Variants in NRXN3 observed in about 807,000 individuals in gnomAD.
The protein encoded by NRXN3 is neurexin III.
In NRXN3, 32 loss-of-function variants were observed where a neutral mutation model predicts 137.6. That is an observed-to-expected ratio of 0.23 (90% CI 0.18 to 0.31). The LOEUF is 0.31. Ranked by LOEUF, NRXN3 falls within the 10% of genes least tolerant of loss-of-function variation. NRXN3 has a pLI of 1.00. For synonymous variants in NRXN3, 798 were observed against 784.5 expected (o/e 1.02, Z -0.29); for missense variants, 1,574 against 2,062.5 (o/e 0.76, Z 4.59).
chr14:78,860,695 A>C (rs2152524881), intron 10 of NRXN3, among the ~76,000 whole-genome samples: 1 of 152,314 alleles, frequency 6.6e-6, no homozygotes, highest in South Asian at 2.1e-4. Flanking sequence ...GGAAATATTA[A>C]GAAAATGTTA....
At chr14:78,359,942 A>G (rs540411239) in intron 4 of NRXN3, among the ~76,000 whole-genome samples, 4 of 152,090 alleles carry the variant, frequency 2.6e-5, no homozygotes, top group African/African-American at 9.6e-5. Flanking sequence ...TTGAATTTTT[A>G]ATCTCTCCCT....
At chr14:78,698,289 G>C (rs944384029) in intron 6 of NRXN3, 7 of 152,010 alleles carry the variant, frequency 4.6e-5, no homozygotes, top group Admixed American at 3.3e-4. Context: ...ACTTCTTAAA[G>C]GTTCTATTTC....
intron 15 of NRXN3, among the ~76,000 whole-genome samples, chr14:79,087,630 A>G (rs1006377298): frequency 6.6e-5 from 10 of 152,178 alleles, no homozygotes; most frequent in Non-Finnish European, 1.5e-5. Flanking sequence ...GGGAACACTC[A>G]AGTAGAAGAG....
Position 78,499,458 on chromosome 14 carries a change from C to G in NRXN3, c.758-145662C>G, listed in dbSNP as rs74064309. On this transcript the variant is annotated intron_variant, in intron 4 of 20. Transcript: ENST00000335750. Reference sequence around the variant, plus strand: ...TGCTCACTATAACAGAGAACAAGTACTAGCTCATAACTTTTTATGACTTTG... The same window carrying G: ...TGCTCACTATAACAGAGAACAAGTAGTAGCTCATAACTTTTTATGACTTTG... Among the ~76,000 whole-genome samples, 1,112 of 152,330 alleles carry G rather than the reference C, an allele frequency of 7.3e-3. 11 individuals carry two copies. Among genetic ancestry groups the G allele is most frequent in the African/African-American group, 0.026 (1,062 of 41,580 alleles).
intron 19 of NRXN3, among the ~76,000 whole-genome samples, chr14:79,750,894 G>C (rs2098995276): frequency 2.0e-5 from 3 of 152,118 alleles, no homozygotes; most frequent in African/African-American, 4.8e-5. Context: ...CTAATCTCTT[G>C]CTTCTAGAGA....
At chr14:78,921,499 G>C (rs1441985185) in intron 10 of NRXN3, among the ~76,000 whole-genome samples, 1 of 152,170 alleles carries the variant, frequency 6.6e-6, no homozygotes, top group Admixed American at 6.5e-5. Flanking sequence ...GGAATGGACG[G>C]GAAAAATGGA....
chr14:79,615,432 A>G (rs929658099), intron 16 of NRXN3, among the ~76,000 whole-genome samples: 3 of 152,188 alleles, frequency 2.0e-5, no homozygotes, highest in African/African-American at 7.2e-5. Context: ...AGAAAAAATG[A>G]TAATAACCAG....
At chr14:78,751,409 A>G (rs890797330) in intron 8 of NRXN3, among the ~76,000 whole-genome samples, 5 of 151,526 alleles carry the variant, frequency 3.3e-5, no homozygotes, top group African/African-American at 1.2e-4. Context: ...AACTCAGGGG[A>G]GGAGTCCAGC....
chr14:79,605,965 C>T (rs975299612), intron 16 of NRXN3, among the ~76,000 whole-genome samples: 1 of 152,150 alleles, frequency 6.6e-6, no homozygotes, highest in African/African-American at 2.4e-5. Flanking sequence ...TTAATCATGC[C>T]AGGCTGATGG....
At chr14:79,778,802 A>G (rs986470457) in intron 19 of NRXN3, among the ~76,000 whole-genome samples, 3 of 152,176 alleles carry the variant, frequency 2.0e-5, no homozygotes, top group Admixed American at 2.0e-4. Context: ...CGAAAGACTC[A>G]GGTTACTTTT....
At chr14:78,606,404 C>T (rs1465275277) in intron 4 of NRXN3, among the ~76,000 whole-genome samples, 1 of 152,178 alleles carries the variant, frequency 6.6e-6, no homozygotes, top group Admixed American at 6.5e-5. Context: ...TTCCCCCTAA[C>T]CAACTCTTAC....
At chr14:78,348,058 G>A (rs2082978386) in intron 4 of NRXN3, among the ~76,000 whole-genome samples, 1 of 152,116 alleles carries the variant, frequency 6.6e-6, no homozygotes, top group Non-Finnish European at 1.5e-5. Flanking sequence ...GAGATTAACT[G>A]AATCACTCTA....
rs570734771 is a variant in NRXN3 at position 78,839,431 on chromosome 14, A to C, written c.2275+29087A>C. On this transcript the variant is annotated intron_variant, in intron 10 of 20. Transcript: ENST00000335750. ...ATCTTAAAAGCAATGGAGCTCATGT[A>C]CTTTCCTCTTGATCTGCCCAAGTAC... is the stretch of plus-strand genomic sequence containing the variant. 6.6e-5 allele frequency among the ~76,000 whole-genome samples: 10 copies of C among 152,288 alleles called. No individual in the cohort carries two copies. In the South Asian group the frequency reaches 1.9e-3, roughly 28 times the overall value.
At chr14:78,807,016 A>G (rs1033039943) in intron 9 of NRXN3, among the ~76,000 whole-genome samples, 10 of 152,232 alleles carry the variant, frequency 6.6e-5, no homozygotes, top group African/African-American at 2.4e-4. Context: ...ACTAGAACCC[A>G]TGTCTCTAAA....
intron 16 of NRXN3, among the ~76,000 whole-genome samples, chr14:79,529,988 T>A (rs1439626376): frequency 6.6e-6 from 1 of 152,232 alleles, no homozygotes; most frequent in African/African-American, 2.4e-5. Context: ...CCCATTTTGC[T>A]TTGAAATTGT....
At chr14:78,659,392 T>C (rs947459449) in intron 6 of NRXN3, among the ~76,000 whole-genome samples, 1 of 152,094 alleles carries the variant, frequency 6.6e-6, no homozygotes, top group African/African-American at 2.4e-5. Context: ...AAGATGGCCA[T>C]TTTTGGCTGG....
chr14:78,967,445 A>G, intron 13 of NRXN3, 47 bp downstream of exon 13: 2 of 1,380,590 alleles, frequency 1.4e-6, no homozygotes, highest in East Asian at 2.4e-5. Context: ...TTTTCTTACA[A>G]TAGATAGACT....
chr14:78,488,951 A>G (rs1312727898), intron 4 of NRXN3, among the ~76,000 whole-genome samples: 1 of 152,134 alleles, frequency 6.6e-6, no homozygotes, highest in Non-Finnish European at 1.5e-5. Context: ...AGCACTTACC[A>G]TGGATTGAAA....
intron 15 of NRXN3, among the ~76,000 whole-genome samples, chr14:79,460,125 G>A (rs750677022): frequency 1.3e-5 from 2 of 152,100 alleles, no homozygotes; most frequent in Non-Finnish European, 2.9e-5. Flanking sequence ...AACTATGTGC[G>A]TGTGTATTTT....
Sources: allele counts gnomAD v4.1 joint callset (sites outside exome capture counted in the v4.1 genomes callset), GRCh38; gene constraint gnomAD v4.1.1; transcripts MANE v1.5; gene names NCBI Gene and HGNC (gene_info 2026-07-23, HGNC 2026-07-21).